The following PPP2R5A variants were observed in gnomAD, a reference collection of about 807,000 sequenced individuals.
The protein encoded by PPP2R5A is protein phosphatase 2 regulatory subunit B'alpha.
PPP2R5A carries 25 observed loss-of-function variants against 64.2 expected under a neutral mutation model. That is an observed-to-expected ratio of 0.39 (90% confidence interval 0.28 to 0.54). The LOEUF is 0.54. Among genes scored for constraint, PPP2R5A ranks in the 20% least tolerant of loss-of-function variants. PPP2R5A has a pLI of 0.67. For missense variants in PPP2R5A, 425 were observed against 576.3 expected, an observed-to-expected ratio of 0.74 and a Z score of 2.69; for synonymous variants, 198 against 201.2, an observed-to-expected ratio of 0.98 and a Z score of 0.13.
At chr1:212,327,315 G>A (rs1659422903) in intron 1 of PPP2R5A, among the ~76,000 whole-genome samples, 1 of 152,168 alleles carries the variant, frequency 6.6e-6, no homozygotes, top group Admixed American at 6.5e-5. Context: ...CGGAAGTGAA[G>A]TTTTATGGTT....
At chr1:212,351,595 T>C (rs1009247903) in intron 8 of PPP2R5A, among the ~76,000 whole-genome samples, 1 of 152,008 alleles carries the variant, frequency 6.6e-6, no homozygotes, top group Non-Finnish European at 1.5e-5. Flanking sequence ...GCACCTGTAA[T>C]CCCAGCTACT....
At chr1:212,308,997 T>C (rs1285636772) in intron 1 of PPP2R5A, 2 of 681,684 alleles carry the variant, frequency 2.9e-6, no homozygotes, top group Admixed American at 2.2e-5. Flanking sequence ...ACCTTTCTTC[T>C]TTTTTTATGG....
intron 1 of PPP2R5A, among the ~76,000 whole-genome samples, chr1:212,294,059 A>G (rs1490768221): frequency 1.3e-5 from 2 of 152,242 alleles, no homozygotes; most frequent in Non-Finnish European, 2.9e-5. Context: ...ACCTGAAACA[A>G]GAATTTTTAA....
chr1:212,333,323 G>C (rs1571600034), intron 2 of PPP2R5A, among the ~76,000 whole-genome samples, 174 bp from the exon 3 acceptor site: 1 of 152,236 alleles, frequency 6.6e-6, no homozygotes, highest in African/African-American at 2.4e-5. Context: ...ATTGGATAGA[G>C]AAAAGAGAGA....
intron 1 of PPP2R5A, among the ~76,000 whole-genome samples, chr1:212,296,991 G>GAAGCA (rs1658704108): frequency 6.6e-6 from 1 of 151,834 alleles, no homozygotes; most frequent in Non-Finnish European, 1.5e-5. Flanking sequence ...TGCCTGGACT[G>GAAGCA]AAGCAAAGTT....
intron 8 of PPP2R5A, among the ~76,000 whole-genome samples, chr1:212,354,625 A>G (rs956330029): frequency 6.6e-6 from 1 of 151,922 alleles, no homozygotes; most frequent in Non-Finnish European, 1.5e-5. Flanking sequence ...TCAAGGTTAC[A>G]ATAAGCCTAG....
chr1:212,303,642 T>C (rs971298722), intron 1 of PPP2R5A, among the ~76,000 whole-genome samples: 2 of 152,230 alleles, frequency 1.3e-5, no homozygotes, highest in African/African-American at 4.8e-5. Flanking sequence ...ATTTACTCTG[T>C]GTTTTCTTCT....
intron 3 of PPP2R5A, among the ~76,000 whole-genome samples, chr1:212,341,591 T>A (rs1236835563): frequency 1.3e-5 from 2 of 152,172 alleles, no homozygotes; most frequent in African/African-American, 4.8e-5. Context: ...TAAGAAATAT[T>A]TAATTTTATA....
At position 212,349,201 on chromosome 1, in the gene PPP2R5A, G is replaced by A; in HGVS notation, c.886G>A (p.Val296Ile). The A allele has an allele frequency of 6.4e-7, 1 of 1,570,124 alleles. No homozygotes were observed. Among genetic ancestry groups the A allele is most frequent in the South Asian group, 1.2e-5 (1 of 86,478 alleles). ...CCTTACCTTTTAGCTAGCATATTGTGTTGTACAGTTCCTGGAGAAAGATAC... is the reference window on the plus strand; with the variant it reads ...CCTTACCTTTTAGCTAGCATATTGTATTGTACAGTTCCTGGAGAAAGATAC... ...ALFHAQLAYC[V>I]VQFLEKDTTL... Residue 296 changes from valine to isoleucine, a missense_variant, in exon 8 of 13, where the codon GTT becomes ATT. Val to Ile is a conservative substitution (Grantham distance 29, BLOSUM62 3). Coordinates refer to ENST00000261461, the MANE Select transcript of PPP2R5A (RefSeq NM_006243.4).
intron 8 of PPP2R5A, among the ~76,000 whole-genome samples, chr1:212,355,283 G>T (rs961548587): frequency 6.6e-6 from 1 of 150,544 alleles, no homozygotes; most frequent in African/African-American, 2.4e-5. Flanking sequence ...AACTTGCAGG[G>T]TTTTTTTTTA....
At chr1:212,319,381 A>G (rs889063024) in intron 1 of PPP2R5A, 1 of 152,186 alleles carries the variant, frequency 6.6e-6, no homozygotes, top group Non-Finnish European at 1.5e-5. Context: ...TTGCAGGGAG[A>G]ATGCCAGGTG....
At chr1:212,321,705 T>C (rs1378175465) in intron 1 of PPP2R5A, among the ~76,000 whole-genome samples, 1 of 137,452 alleles carries the variant, frequency 7.3e-6, no homozygotes, top group Non-Finnish European at 1.5e-5. Flanking sequence ...CTTTCCAGAC[T>C]GGGCAGCCAG....
intron 1 of PPP2R5A, among the ~76,000 whole-genome samples, chr1:212,322,241 A>G (rs1428162408): frequency 1.1e-4 from 8 of 71,260 alleles, no homozygotes; most frequent in Admixed American, 3.2e-4. Flanking sequence ...AGGGAGAGGG[A>G]GAGGAGGGAG....
chr1:212,320,912 G>A (rs1439393016), intron 1 of PPP2R5A, among the ~76,000 whole-genome samples: 9 of 120,970 alleles, frequency 7.4e-5, no homozygotes, highest in African/African-American at 2.5e-4. Context: ...CTCACCTCCC[G>A]GACGGGGCGG....
intron 1 of PPP2R5A, among the ~76,000 whole-genome samples, chr1:212,319,203 T>C (rs890348446): frequency 6.6e-6 from 1 of 152,246 alleles, no homozygotes; most frequent in African/African-American, 2.4e-5. Flanking sequence ...TACTGTGTTG[T>C]AGTACTCAGG....
chr1:212,308,188 T>C (rs1658956762), intron 1 of PPP2R5A, among the ~76,000 whole-genome samples: 1 of 152,164 alleles, frequency 6.6e-6, no homozygotes, highest in Non-Finnish European at 1.5e-5. Context: ...GAATATGTTA[T>C]TCCACTGTTT....
chr1:212,317,262 C>T (rs889271346), intron 1 of PPP2R5A, among the ~76,000 whole-genome samples: 3 of 152,004 alleles, frequency 2.0e-5, no homozygotes, highest in Admixed American at 6.6e-5. Flanking sequence ...GGTCTACTCT[C>T]ATTTTAGAGG....
At chr1:212,335,521 A>C (rs893574693) in intron 3 of PPP2R5A, among the ~76,000 whole-genome samples, 1 of 151,914 alleles carries the variant, frequency 6.6e-6, no homozygotes, top group Admixed American at 6.6e-5. Context: ...ATTACATTCT[A>C]TGTCGTTTGG....
chr1:212,332,917 T>C (rs1659528534), intron 2 of PPP2R5A, among the ~76,000 whole-genome samples: 1 of 151,964 alleles, frequency 6.6e-6, no homozygotes, highest in African/African-American at 2.4e-5. Context: ...ATTTTTATTT[T>C]TGGAGACAGG....
Sources: gnomAD v4.1 joint callset for allele counts (sites outside exome capture counted in the v4.1 genomes callset) on GRCh38, gnomAD v4.1.1 for gene constraint, MANE v1.5 for transcripts, NCBI Gene and HGNC (gene_info 2026-07-23, HGNC 2026-07-21) for gene names.